The following ACSL5 variants were observed in gnomAD, a reference collection of about 807,000 sequenced individuals.
The protein encoded by ACSL5 is long-chain-fatty-acid--CoA ligase 5.
ACSL5 carries 50 observed loss-of-function variants against 84.9 expected under a neutral mutation model. The ratio of observed to expected loss-of-function variants is 0.59; its 90% CI spans 0.47 to 0.75. ACSL5 has a LOEUF of 0.75. Among genes scored for constraint, ACSL5 ranks in the 30% least tolerant of loss-of-function variants. The probability of loss-of-function intolerance (pLI) is 0.00; values close to 1 mark genes in which losing one functional copy is unlikely to be tolerated. For synonymous variants in ACSL5, 280 were observed against 300.7 expected (o/e 0.93, Z 0.71); for missense variants, 775 against 830.4 (o/e 0.93, Z 0.82).
At chr10:112,421,356 T>A (rs1844459915) in intron 14 of ACSL5, among the ~76,000 whole-genome samples, 1 of 151,928 alleles carries the variant, frequency 6.6e-6, no homozygotes, top group African/African-American at 2.4e-5. Context: ...AGATGGGGTT[T>A]CACCATGTTG....
chr10:112,393,791 C>T (rs1476961498), intron 1 of ACSL5, among the ~76,000 whole-genome samples: 9 of 152,180 alleles, frequency 5.9e-5, no homozygotes, highest in East Asian at 1.9e-4. Flanking sequence ...AATGAATTGT[C>T]GTTTTGTAGG....
chr10:112,375,052 T>TA (rs113124635), intron 1 of ACSL5, among the ~76,000 whole-genome samples: 38,322 of 139,466 alleles, frequency 0.27, 4,825 homozygotes, highest in Middle Eastern at 0.3. Context: ...AGGAGGTCAA[T>TA]AAAAAAAAAA....
chr10:112,386,845 G>T (rs892708859), intron 1 of ACSL5, among the ~76,000 whole-genome samples: 4 of 151,994 alleles, frequency 2.6e-5, no homozygotes, highest in Non-Finnish European at 4.4e-5. Flanking sequence ...TTCTAAATCA[G>T]TTATTTGTAT....
At chr10:112,422,275 G>T (rs1264659197) in intron 16 of ACSL5, 50 bp from the exon 17 acceptor site, 22 of 1,513,394 alleles carry the variant, frequency 1.5e-5, no homozygotes, top group Admixed American at 5.2e-5. Flanking sequence ...TGCCCACGCT[G>T]GGAGGAGCAG....
chr10:112,426,395 T>A, intron 19 of ACSL5, 36 bp downstream of exon 19: 1 of 1,573,062 alleles, frequency 6.4e-7, no homozygotes, highest in South Asian at 1.1e-5. Context: ...TGCACACCCA[T>A]GGGCCCATCG....
At chr10:112,403,456 T>C (rs1843952026) in intron 3 of ACSL5, among the ~76,000 whole-genome samples, 1 of 152,192 alleles carries the variant, frequency 6.6e-6, no homozygotes, top group South Asian at 2.1e-4. Context: ...CCAGCTAATT[T>C]TGTATTTTTA....
chr10:112,385,192 C>G (rs539551031), intron 1 of ACSL5, among the ~76,000 whole-genome samples: 1 of 152,302 alleles, frequency 6.6e-6, no homozygotes, highest in Admixed American at 6.5e-5. Flanking sequence ...ATCATGGTGA[C>G]AGCCTTAGAA....
chr10:112,425,141 T>G (rs1353488347), intron 17 of ACSL5, 197 bp from the exon 18 acceptor site: 1 of 449,056 alleles, frequency 2.2e-6, no homozygotes, highest in African/African-American at 2.0e-5. Flanking sequence ...CACATAGATA[T>G]ACAGTAAAGA....
At chr10:112,413,048 C>A in intron 11 of ACSL5, 125 bp from the exon 12 acceptor site, 1 of 1,027,744 alleles carries the variant, frequency 9.7e-7, no homozygotes, top group Non-Finnish European at 1.4e-6. Context: ...TCCCAAATTC[C>A]TTCCAAGACA....
intron 3 of ACSL5, among the ~76,000 whole-genome samples, chr10:112,401,328 A>G (rs191778376): frequency 1.2e-4 from 18 of 152,342 alleles, no homozygotes; most frequent in Admixed American, 1.2e-3. Flanking sequence ...TGTTTAAAAT[A>G]TATATCTTCT....
In ACSL5 at chr10:112,416,983, T is replaced by C. The variant is rs199725245; in HGVS notation, c.1179T>C (p.His393=). Reference sequence around the variant, plus strand: ...AGCTTCAAAAGGGTATCATCAGGCATGATAGTTTCTGGGACAAGCTCATCT... The same window carrying C: ...AGCTTCAAAAGGGTATCATCAGGCACGATAGTTTCTGGGACAAGCTCATCT... ...FKELQKGIIR[H]DSFWDKLIFA... Residue 393 remains histidine (H), a synonymous_variant, in exon 13 of 21, where the codon CAT becomes CAC. Transcript: ENST00000354655. The C allele has an allele frequency of 6.2e-7, 1 of 1,613,986 alleles. No individual in the cohort carries two copies. Among genetic ancestry groups the C allele is most frequent in the East Asian group, 2.2e-5 (1 of 44,872 alleles).
intron 6 of ACSL5, 141 bp downstream of exon 6, chr10:112,408,662 T>C: frequency 1.6e-6 from 1 of 633,042 alleles, no homozygotes; most frequent in Non-Finnish European, 2.8e-6. Flanking sequence ...TCTTTCTAGT[T>C]TTGTAGTACT....
chr10:112,375,335 G>A (rs978910307), intron 1 of ACSL5: 5 of 151,290 alleles, frequency 3.3e-5, no homozygotes, highest in African/African-American at 7.3e-5. Context: ...GTCCAAAGGC[G>A]GCTCCCCAGA....
chr10:112,382,586 T>C (rs1347896624), intron 1 of ACSL5, among the ~76,000 whole-genome samples: 11 of 152,158 alleles, frequency 7.2e-5, no homozygotes. Flanking sequence ...ACCTCTTCTA[T>C]CTCTTCTGAG....
At chr10:112,394,800 G>A in intron 1 of ACSL5, 118 bp from the exon 2 acceptor site, 1 of 1,504,154 alleles carries the variant, frequency 6.6e-7, no homozygotes, top group Non-Finnish European at 8.8e-7. Flanking sequence ...GGGTTTGAAG[G>A]CGTGCGCGCG....
chr10:112,404,643 T>C, intron 4 of ACSL5, 62 bp from the exon 5 acceptor site: 2 of 1,598,074 alleles, frequency 1.3e-6, no homozygotes, highest in Non-Finnish European at 1.7e-6. Flanking sequence ...GGATACGATA[T>C]TGGTCAGTTT....
rs1364071550 is a variant in ACSL5, at chr10:112,417,629, G to T, written c.1219-217G>T. Reference sequence around the variant, plus strand: ...ATTATTTGAGAAATATATGGCTTCTGGTCCCAGCTATGGATAGTGATGACA... The same window carrying T: ...ATTATTTGAGAAATATATGGCTTCTTGTCCCAGCTATGGATAGTGATGACA... On this transcript the variant is annotated intron_variant, in intron 13 of 20. Transcript: ENST00000354655. Among the ~76,000 whole-genome samples the T allele has an allele frequency of 3.9e-5, 6 of 152,132 alleles. No individual in the cohort carries two copies. The East Asian group carries it at 1.2e-3, about 29-fold the overall frequency.
intron 20 of ACSL5, 118 bp downstream of exon 20, chr10:112,426,977 T>A (rs774756525): frequency 8.8e-6 from 9 of 1,018,038 alleles, no homozygotes; most frequent in Non-Finnish European, 1.3e-5. Flanking sequence ...TTTGTGCCAT[T>A]AACTACAAAA....
rs1412357972 is a variant in ACSL5, at chr10:112,392,349, G to A, written c.-29-2569G>A. Among the ~76,000 whole-genome samples, 4 of 115,264 alleles carry A rather than the reference G, an allele frequency of 3.5e-5. 1 individual carries two copies. The highest frequency in any genetic ancestry group is 8.2e-5 in the Non-Finnish European group (4 of 48,698). 75.6% of individuals were successfully genotyped at this position (115,264 alleles called of 152,430 possible). On this transcript the variant is annotated intron_variant, in intron 1 of 20. Transcript: ENST00000354655. The stretch of plus-strand genomic sequence containing the variant: ...TGGCCAGGTACGGTGGCTCACACCT[G>A]TAATCCCAGCACTTTGGGAGGCCAA...
Sources: allele counts gnomAD v4.1 joint callset (sites outside exome capture counted in the v4.1 genomes callset), GRCh38; gene constraint gnomAD v4.1.1; transcripts MANE v1.5; gene names NCBI Gene and HGNC (gene_info 2026-07-23, HGNC 2026-07-21).